The following REC114 variants were observed in gnomAD, a reference collection of about 807,000 sequenced individuals.
REC114 encodes the protein REC114 meiotic recombination protein.
A neutral mutation model predicts 31.3 loss-of-function variants in REC114; 27 were observed. That is an observed-to-expected ratio of 0.86 (90% confidence interval 0.64 to 1.19). The LOEUF (loss-of-function observed/expected upper bound fraction) is 1.19. REC114 is among the 50% of genes most tolerant of loss of function. The pLI is 0.00. For synonymous variants in REC114, 134 were observed against 127.7 expected (o/e 1.05, Z -0.33); for missense variants, 344 against 326.9 (o/e 1.05, Z -0.40).
intron 2 of REC114, among the ~76,000 whole-genome samples, chr15:73,492,110 T>A (rs919378048): frequency 6.6e-6 from 1 of 152,150 alleles, no homozygotes; most frequent in Non-Finnish European, 1.5e-5. Flanking sequence ...TTGGCCTCGT[T>A]AAGAAACAGA....
At chr15:73,496,651 CAAAAAAA>C (rs202054841) in intron 2 of REC114, among the ~76,000 whole-genome samples, 6 of 84,704 alleles carry the variant, frequency 7.1e-5, no homozygotes, top group African/African-American at 2.6e-4. Flanking sequence ...AGACTCCATC[CAAAAAAA>C]AAAAAAAAAA....
intron 2 of REC114, among the ~76,000 whole-genome samples, chr15:73,485,667 T>G (rs1026792213): frequency 6.6e-6 from 1 of 152,174 alleles, no homozygotes; most frequent in Admixed American, 6.5e-5. Flanking sequence ...CTGCTTCACC[T>G]TCTTTAAGCT....
At chr15:73,544,861 A>G (rs1446948045) in intron 3 of REC114, among the ~76,000 whole-genome samples, 3 of 152,168 alleles carry the variant, frequency 2.0e-5, no homozygotes, top group African/African-American at 4.8e-5. Flanking sequence ...GGTAATGGAA[A>G]ATTTCTTACC....
At chr15:73,541,880 AAATC>A (rs962771609) in intron 3 of REC114, among the ~76,000 whole-genome samples, 35 of 152,372 alleles carry the variant, frequency 2.3e-4, no homozygotes, top group African/African-American at 7.0e-4. Context: ...AGCAAAATAA[AAATC>A]AACCATAATT....
chr15:73,456,209 C>G (rs1892913250), intron 1 of REC114, among the ~76,000 whole-genome samples: 1 of 152,008 alleles, frequency 6.6e-6, no homozygotes, highest in Non-Finnish European at 1.5e-5. Context: ...ATAATTTAGT[C>G]TACTAATAAG....
intron 2 of REC114, among the ~76,000 whole-genome samples, chr15:73,527,647 G>C (rs954790916): frequency 1.3e-5 from 2 of 152,148 alleles, no homozygotes; most frequent in African/African-American, 4.8e-5. Flanking sequence ...TATAATAGGA[G>C]TATAAATTTT....
chr15:73,507,324 G>A (rs1310968501), intron 2 of REC114, among the ~76,000 whole-genome samples: 4 of 152,156 alleles, frequency 2.6e-5, no homozygotes, highest in Non-Finnish European at 5.9e-5. Flanking sequence ...TTTGAAAGCA[G>A]CCTAACACAA....
intron 2 of REC114, among the ~76,000 whole-genome samples, chr15:73,482,381 C>A (rs1330564043): frequency 6.6e-6 from 1 of 152,140 alleles, no homozygotes; most frequent in African/African-American, 2.4e-5. Flanking sequence ...TGTTCCTGTT[C>A]TTGCCATGCG....
At chr15:73,493,840 A>G (rs1169122682) in intron 2 of REC114, among the ~76,000 whole-genome samples, 2 of 152,172 alleles carry the variant, frequency 1.3e-5, no homozygotes, top group African/African-American at 4.8e-5. Context: ...TTTCTCACAC[A>G]AATTTTTTAT....
At chr15:73,479,362 T>C (rs1359876297) in intron 2 of REC114, among the ~76,000 whole-genome samples, 4 of 151,354 alleles carry the variant, frequency 2.6e-5, no homozygotes, top group Non-Finnish European at 2.9e-5. Flanking sequence ...AATGTTTTGA[T>C]ATACATTGTA....
intron 2 of REC114, among the ~76,000 whole-genome samples, chr15:73,478,017 A>G (rs1443975506): frequency 6.6e-6 from 1 of 152,050 alleles, no homozygotes; most frequent in African/African-American, 2.4e-5. Flanking sequence ...TAATCCCAGC[A>G]CTTTGTGAGG....
chr15:73,468,799 T>G (rs758061367), intron 1 of REC114, among the ~76,000 whole-genome samples: 10 of 152,048 alleles, frequency 6.6e-5, no homozygotes, highest in Non-Finnish European at 1.5e-4. Context: ...TTTTCTGCAT[T>G]CTCTCATATT....
chr15:73,477,603 A>G (rs1255870177), intron 2 of REC114, among the ~76,000 whole-genome samples: 1 of 152,092 alleles, frequency 6.6e-6, no homozygotes, highest in Non-Finnish European at 1.5e-5. Context: ...GTTTTTGTAG[A>G]GACAGGATCT....
Position 73,550,947 on chromosome 15 carries a change from C to T in REC114, c.343C>T (p.Arg115Cys), listed in dbSNP as rs1393973399. The T allele has an allele frequency of 4.3e-6, 7 of 1,613,562 alleles. No individual in the cohort carries two copies. Among genetic ancestry groups the T allele is most frequent in the South Asian group, 3.3e-5 (3 of 91,030 alleles). ...TTGATTTGTCAAACAGGACAAGAGT[C>T]GCCTGTTTCGAGTACAGTTCAGTGG... ...LFGTTIKDKS[R>C]LFRVQFSGES... Residue 115 changes from arginine to cysteine, a missense_variant, in exon 4 of 6, where the codon CGC becomes TGC. Transcript: ENST00000331090.
At chr15:73,456,410 A>G (rs1430740395) in intron 1 of REC114, among the ~76,000 whole-genome samples, 2 of 152,002 alleles carry the variant, frequency 1.3e-5, no homozygotes, top group Non-Finnish European at 2.9e-5. Context: ...TGCCCTACTT[A>G]GAAATTAAGA....
intron 3 of REC114, among the ~76,000 whole-genome samples, chr15:73,549,364 T>C (rs947344020): frequency 1.4e-4 from 21 of 152,226 alleles, no homozygotes; most frequent in Admixed American, 1.4e-3. Context: ...TGCCAGAGGC[T>C]GGGAAGGGTA....
At chr15:73,546,746 G>C (rs1205285176) in intron 3 of REC114, among the ~76,000 whole-genome samples, 2 of 151,312 alleles carry the variant, frequency 1.3e-5, no homozygotes, top group Non-Finnish European at 2.9e-5. Flanking sequence ...CCCGGGAAGT[G>C]GAGGTTGCGG....
At chr15:73,480,083 T>C (rs1008168738) in intron 2 of REC114, among the ~76,000 whole-genome samples, 1 of 152,154 alleles carries the variant, frequency 6.6e-6, no homozygotes, top group Non-Finnish European at 1.5e-5. Flanking sequence ...TTTCTCCATA[T>C]TCTCACCAAT....
At chr15:73,527,328 C>T (rs923324512) in intron 2 of REC114, among the ~76,000 whole-genome samples, 29 of 152,182 alleles carry the variant, frequency 1.9e-4, no homozygotes, top group African/African-American at 5.3e-4. Flanking sequence ...ATTCAAGGAA[C>T]GCATATGCAG....
Sources: gnomAD v4.1 joint callset for allele counts (sites outside exome capture counted in the v4.1 genomes callset) on GRCh38, gnomAD v4.1.1 for gene constraint, MANE v1.5 for transcripts, NCBI Gene and HGNC (gene_info 2026-07-23, HGNC 2026-07-21) for gene names.